PCDHGA4: variants seen among roughly 807,000 people sequenced by gnomAD.
The protein encoded by PCDHGA4 is protocadherin gamma subfamily A, 4.
In PCDHGA4, 38 loss-of-function variants were observed where a neutral mutation model predicts 54.6. The ratio of observed to expected loss-of-function variants is 0.70; its 90% CI spans 0.54 to 0.91. PCDHGA4 has a LOEUF of 0.91. Ranked by LOEUF, PCDHGA4 falls within the 40% of genes least tolerant of loss-of-function variation. The pLI, the probability that PCDHGA4 is intolerant of heterozygous loss-of-function variation, is 0.00. For synonymous variants in PCDHGA4, 511 were observed against 512.9 expected (o/e 1.00, Z 0.05); for missense variants, 1,298 against 1,220.9 (o/e 1.06, Z -0.94).
chr5:141,383,476 GA>G, intron 1 of PCDHGA4: 2 of 1,613,748 alleles, frequency 1.2e-6, no homozygotes, highest in Non-Finnish European at 1.7e-6. Context: ...TAAGTACCCG[GA>G]ACTGGTGCTG....
chr5:141,489,246 G>A lies in PCDHGA4; in HGVS notation c.2515-5561G>A, dbSNP rs141115698. On this transcript the variant is annotated intron_variant, in intron 1 of 3. Coordinates refer to ENST00000571252, the MANE Select transcript of PCDHGA4 (RefSeq NM_018917.4). The surrounding 1 kb of genome is among the most constrained non-coding windows in gnomAD (Gnocchi z 4.5). Reference sequence around the variant, plus strand: ...CACAAAGGGACTTCTGGGTCATGGGGCCCAAGACACTCCCACAGCTCGCTG... The same window carrying A: ...CACAAAGGGACTTCTGGGTCATGGGACCCAAGACACTCCCACAGCTCGCTG... 750 of 1,544,746 alleles carry A rather than the reference G, an allele frequency of 4.9e-4. No homozygotes were observed. The highest frequency in any genetic ancestry group is 6.3e-4 in the Non-Finnish European group (726 of 1,145,538).
chr5:141,369,156 A>C lies in PCDHGA4; in HGVS notation c.2514+11535A>C, dbSNP rs534244995. ...CATGGAAAATGGCATGTTATTGACC[A>C]GGGAAAAGTGTAAATAACAAAAAGT... On this transcript the variant is annotated intron_variant, in intron 1 of 3. Coordinates refer to ENST00000571252, the MANE Select transcript of PCDHGA4 (RefSeq NM_018917.4). Among the ~76,000 whole-genome samples the C allele has an allele frequency of 1.4e-3, 215 of 152,354 alleles. 2 individuals carry two copies. Among genetic ancestry groups the C allele is most frequent in the Non-Finnish European group, 4.6e-4 (31 of 68,032 alleles).
At chr5:141,455,903 ATTTATTT>A (rs2098836354) in intron 1 of PCDHGA4, among the ~76,000 whole-genome samples, 1 of 145,228 alleles carries the variant, frequency 6.9e-6, no homozygotes, top group African/African-American at 2.7e-5. Context: ...TTATTTATTT[ATTTATTT>A]ATTTTGAGAC....
At chr5:141,458,438 CCCA>C (rs1221646653) in intron 1 of PCDHGA4, among the ~76,000 whole-genome samples, 3 of 152,024 alleles carry the variant, frequency 2.0e-5, no homozygotes, top group African/African-American at 7.2e-5. Context: ...GAGGAGGTCC[CCCA>C]CATTAACAAT....
chr5:141,449,718 G>A (rs2098653155), intron 1 of PCDHGA4, among the ~76,000 whole-genome samples: 2 of 150,760 alleles, frequency 1.3e-5, no homozygotes, highest in Admixed American at 6.6e-5. Flanking sequence ...ATTTTTATAT[G>A]ATATGATTTT....
chr5:141,475,013 G>C (rs950376592), intron 1 of PCDHGA4, among the ~76,000 whole-genome samples: 1 of 152,176 alleles, frequency 6.6e-6, no homozygotes, highest in Non-Finnish European at 1.5e-5. Flanking sequence ...AAAAGTTAAG[G>C]CTCTTTATTC....
At position 141,357,079 on chromosome 5, in the gene PCDHGA4, C is replaced by A. The variant is rs760842215; in HGVS notation, c.1972C>A (p.Arg658Ser). The A allele has an allele frequency of 1.2e-6, 2 of 1,613,938 alleles. No homozygotes were observed. Among genetic ancestry groups the A allele is most frequent in the Non-Finnish European group, 1.7e-6 (2 of 1,179,956 alleles). Residue 658 changes from arginine (R) to serine (S), a missense_variant, in exon 1 of 4, where the codon CGC becomes AGC. Transcript: ENST00000571252. ...FAVGLHTGEV[R>S]TARALLDRDA... Reference sequence around the variant, plus strand: ...AGTGGGGCTGCACACAGGCGAGGTGCGCACCGCACGGGCCCTGCTGGACAG... The same window carrying A: ...AGTGGGGCTGCACACAGGCGAGGTGAGCACCGCACGGGCCCTGCTGGACAG...
rs1562106021 is a variant in PCDHGA4 at position 141,485,561 on chromosome 5, G to T, written c.2515-9246G>T. 6.2e-7 allele frequency: 1 copy of T among 1,613,008 alleles called. No individual in the cohort carries two copies. Among genetic ancestry groups the T allele is most frequent in the Non-Finnish European group, 8.5e-7 (1 of 1,179,122 alleles). ...AGAGATCGTAGATGTGAATGATCAC[G>T]CCCCCCGTTTTCCGCGGCAGCAGCT... On this transcript the variant is annotated intron_variant, in intron 1 of 3. Coordinates refer to ENST00000571252, the MANE Select transcript of PCDHGA4 (RefSeq NM_018917.4). The surrounding 1 kb of genome is among the most constrained non-coding windows in gnomAD (Gnocchi z 5.7).
intron 3 of PCDHGA4, among the ~76,000 whole-genome samples, chr5:141,510,147 C>T (rs1416633745): frequency 1.3e-5 from 2 of 151,984 alleles, no homozygotes; most frequent in Non-Finnish European, 2.9e-5. Flanking sequence ...GTGGTGTGCA[C>T]CTGTAATCTC....
Position 141,491,574 on chromosome 5 carries a change from T to G in PCDHGA4, c.2515-3233T>G. Reference sequence around the variant, plus strand: ...AGAGCCACTGCTACAGGACGTGCTTTTCACCGGCCTCGGACGGCAGTGACT... The same window carrying G: ...AGAGCCACTGCTACAGGACGTGCTTGTCACCGGCCTCGGACGGCAGTGACT... On this transcript the variant is annotated intron_variant, in intron 1 of 3. Transcript: ENST00000571252. This position sits in a 1 kb window ranked among gnomAD's most constrained non-coding sequence, Gnocchi z 6.9. The G allele has an allele frequency of 6.2e-7, 1 of 1,613,956 alleles. No homozygotes were observed. Among genetic ancestry groups the G allele is most frequent in the Non-Finnish European group, 8.5e-7 (1 of 1,180,032 alleles).
In PCDHGA4 at chr5:141,477,556, T is replaced by C. The variant is rs2099412953; in HGVS notation, c.2515-17251T>C. On this transcript the variant is annotated intron_variant, in intron 1 of 3. Transcript: ENST00000571252. The surrounding 1 kb of genome is among the most constrained non-coding windows in gnomAD (Gnocchi z 4.9). The stretch of plus-strand genomic sequence containing the variant: ...CCGGGGCTCCAATACTAAACCTAAG[T>C]GTCTGGGACCCCGACGCCCCGCAGA... 6.2e-7 allele frequency: 1 copy of C among 1,614,164 alleles called. No homozygotes were observed. The highest frequency in any genetic ancestry group is 1.1e-5 in the South Asian group (1 of 91,086).
At chr5:141,378,725 T>C (rs999480102) in intron 1 of PCDHGA4, 1 of 152,206 alleles carries the variant, frequency 6.6e-6, no homozygotes, top group Admixed American at 6.5e-5. Flanking sequence ...ATAGGAACTC[T>C]TTATTGAAAT....
At position 141,485,727 on chromosome 5, in the gene PCDHGA4, G is replaced by T. The variant is rs773176318; in HGVS notation, c.2515-9080G>T. The T allele has an allele frequency of 3.1e-6, 5 of 1,614,196 alleles. No homozygotes were observed. In the Admixed American group the frequency reaches 5.0e-5, roughly 16 times the overall value. Reference sequence around the variant, plus strand: ...CACTTTGCACTGGATGTGAAGAAGCGCAGCGACGGCAGCCTGGTCCCAGAG... The same window carrying T: ...CACTTTGCACTGGATGTGAAGAAGCTCAGCGACGGCAGCCTGGTCCCAGAG... On this transcript the variant is annotated intron_variant, in intron 1 of 3. Transcript: ENST00000571252. The surrounding 1 kb of genome is among the most constrained non-coding windows in gnomAD (Gnocchi z 5.7).
At chr5:141,418,868 G>A in intron 1 of PCDHGA4, 2 of 1,613,998 alleles carry the variant, frequency 1.2e-6, no homozygotes, top group Non-Finnish European at 1.7e-6. Flanking sequence ...AATTGTAGAA[G>A]TTGTAGACGA....
Position 141,489,897 on chromosome 5 carries a change from C to G in PCDHGA4, c.2515-4910C>G. ...TGCTTACTGCTGTGGATGGGGGGAC[C>G]CCAGCCCGCTCAGGGACCACCCTTA... is the stretch of plus-strand genomic sequence containing the variant. On this transcript the variant is annotated intron_variant, in intron 1 of 3. Transcript: ENST00000571252. This position sits in a 1 kb window ranked among gnomAD's most constrained non-coding sequence, Gnocchi z 4.5. 1 of 1,614,162 alleles carries G rather than the reference C, an allele frequency of 6.2e-7. No individual in the cohort carries two copies. Among genetic ancestry groups the G allele is most frequent in the Non-Finnish European group, 8.5e-7 (1 of 1,180,016 alleles).
chr5:141,364,541 A>T (rs753562113), intron 1 of PCDHGA4: 3 of 1,614,130 alleles, frequency 1.9e-6, no homozygotes, highest in Middle Eastern at 1.7e-4. Context: ...CTCCAGAGGT[A>T]GGACGCAGCT....
chr5:141,490,128 C>T lies in PCDHGA4; in HGVS notation c.2515-4679C>T, dbSNP rs970815408. 1.2e-6 allele frequency: 2 copies of T among 1,614,254 alleles called. No homozygotes were observed. Among genetic ancestry groups the T allele is most frequent in the Non-Finnish European group, 8.5e-7 (1 of 1,180,042 alleles). ...CAGTGCGGAACCTCTTTGGCCTAGA[C>T]CCTAGCAGTGGGGCAATCCATGTGT... On this transcript the variant is annotated intron_variant, in intron 1 of 3. Transcript: ENST00000571252. The surrounding 1 kb of genome is among the most constrained non-coding windows in gnomAD (Gnocchi z 5.4).
intron 1 of PCDHGA4, chr5:141,385,861 G>A (rs561611576): frequency 8.5e-5 from 13 of 153,290 alleles, no homozygotes; most frequent in African/African-American, 2.6e-4. Flanking sequence ...GGTGGTAGTA[G>A]AAGGTTGGAT....
At chr5:141,394,299 C>T (rs1420097652) in intron 1 of PCDHGA4, 1 of 1,613,884 alleles carries the variant, frequency 6.2e-7, no homozygotes, top group Non-Finnish European at 8.5e-7. Flanking sequence ...CGAGGACACG[C>T]TGCAGGGGGC....
Sources: allele counts gnomAD v4.1 joint callset (sites outside exome capture counted in the v4.1 genomes callset), GRCh38; gene constraint gnomAD v4.1.1; non-coding constraint Gnocchi (gnomAD v3.1); transcripts MANE v1.5; gene names NCBI Gene and HGNC (gene_info 2026-07-23, HGNC 2026-07-21).